ARHGEF11: variants seen among roughly 807,000 people sequenced by gnomAD.
The protein encoded by ARHGEF11 is Rho guanine nucleotide exchange factor 11, also known as Rho guanine exchange factor (GEF) 11.
Under a neutral mutation model 193.7 loss-of-function variants are expected in ARHGEF11, and 55 were observed. The observed-to-expected ratio is 0.28, with a 90% CI of 0.23 to 0.36. The LOEUF is 0.36. Ranked by LOEUF, ARHGEF11 falls within the 10% of genes least tolerant of loss-of-function variation. The pLI, the probability that ARHGEF11 is intolerant of heterozygous loss-of-function variation, is 1.00. For missense variants in ARHGEF11, 1,723 were observed against 2,005.6 expected, an observed-to-expected ratio of 0.86 and a Z score of 2.69; for synonymous variants, 693 against 768.0, an observed-to-expected ratio of 0.90 and a Z score of 1.62.
intron 1 of ARHGEF11, among the ~76,000 whole-genome samples, chr1:157,003,667 C>G (rs767157222): frequency 6.6e-6 from 1 of 152,244 alleles, no homozygotes. Flanking sequence ...GCCAGCCTCA[C>G]TAAGCCAGCC....
At position 157,023,317 on chromosome 1, in the gene ARHGEF11, A is replaced by G. The variant is rs189376524; in HGVS notation, c.32+20982T>C. Among the ~76,000 whole-genome samples the G allele has an allele frequency of 1.3e-4, 20 of 152,350 alleles. No homozygotes were observed. The East Asian group carries it at 3.9e-3, about 29-fold the overall frequency. ...TAAAGGGACGAATAACTTAAATAAA[A>G]AATGGGCAAAGGACGTGAACAGATA... On this transcript the variant is annotated intron_variant, in intron 1 of 40. Coordinates refer to ENST00000368194, the MANE Select transcript of ARHGEF11 (RefSeq NM_198236.3).
At position 156,935,162 on chromosome 1, in the gene ARHGEF11, C is replaced by T. The variant is rs1654841509; in HGVS notation, c.*838G>A. The stretch of plus-strand genomic sequence containing the variant: ...CCAGTCCTCAGCTCCGTACCTGCTT[C>T]ACTGGTTTTCTACAGGGACAGGGTG... On this transcript the variant is annotated 3_prime_UTR_variant, in exon 41 of 41. Coordinates refer to ENST00000368194, the MANE Select transcript of ARHGEF11 (RefSeq NM_198236.3). 6.6e-6 allele frequency: 1 copy of T among 152,526 alleles called. No homozygotes were observed. The highest frequency in any genetic ancestry group is 1.5e-5 in the Non-Finnish European group (1 of 68,040). 9.4% of individuals were successfully genotyped at this position (152,526 alleles called of 1,614,324 possible).
At chr1:157,037,150 A>T (rs1485682411) in intron 1 of ARHGEF11, among the ~76,000 whole-genome samples, 1 of 152,036 alleles carries the variant, frequency 6.6e-6, no homozygotes, top group Non-Finnish European at 1.5e-5. Context: ...ATAAATAAAT[A>T]AATTTGATTC....
intron 34 of ARHGEF11, 23 bp from the exon 35 acceptor site, chr1:156,941,456 G>A: frequency 6.2e-7 from 1 of 1,612,238 alleles, no homozygotes; most frequent in Non-Finnish European, 8.5e-7. Context: ...ACCAACACAG[G>A]ATGAGATCCC....
chr1:156,972,407 C>A (rs755676750), intron 7 of ARHGEF11, among the ~76,000 whole-genome samples: 4 of 152,220 alleles, frequency 2.6e-5, no homozygotes, highest in Admixed American at 6.5e-5. Flanking sequence ...TGAATACATC[C>A]TCATTGATAA....
At chr1:157,018,811 G>T (rs1387972706) in intron 1 of ARHGEF11, among the ~76,000 whole-genome samples, 1 of 152,182 alleles carries the variant, frequency 6.6e-6, no homozygotes, top group Non-Finnish European at 1.5e-5. Flanking sequence ...ACACAGTAGA[G>T]TCTGGACCAC....
In ARHGEF11 at chr1:157,002,244, C is replaced by T. The variant is rs1049734904; in HGVS notation, c.33-16071G>A. On this transcript the variant is annotated intron_variant, in intron 1 of 40. Transcript: ENST00000368194. ...GCATTTCAACTGGGAAACTGCTAGTCCACAAAACACAATCTCCAGGAAATG... is the reference window on the plus strand; with the variant it reads ...GCATTTCAACTGGGAAACTGCTAGTTCACAAAACACAATCTCCAGGAAATG... Among the ~76,000 whole-genome samples the T allele has an allele frequency of 2.6e-5, 4 of 152,218 alleles. No homozygotes were observed. The East Asian group carries it at 7.7e-4, about 29-fold the overall frequency.
intron 6 of ARHGEF11, 95 bp downstream of exon 6, chr1:156,978,109 C>G: frequency 1.3e-6 from 2 of 1,535,462 alleles, no homozygotes; most frequent in Non-Finnish European, 1.8e-6. Context: ...TCTCTGTTTA[C>G]CACAGCCCCA....
chr1:156,980,986 GTTTTCTTTCTTTTAAAAAAACTGT>G (rs2102421010), intron 3 of ARHGEF11, among the ~76,000 whole-genome samples: 1 of 152,096 alleles, frequency 6.6e-6, no homozygotes, highest in Non-Finnish European at 1.5e-5. Context: ...AAAGACAACT[GTTTTCTTTCTTTTAAAAAAACTGT>G]TTTAAGCCAT....
At chr1:157,004,332 T>G (rs907005736) in intron 1 of ARHGEF11, among the ~76,000 whole-genome samples, 2 of 152,186 alleles carry the variant, frequency 1.3e-5, no homozygotes, top group East Asian at 1.9e-4. Flanking sequence ...AAATGGGGGC[T>G]GGGCAAGTTG....
In ARHGEF11 at chr1:156,951,615, A is replaced by T; in HGVS notation, c.1883T>A (p.Leu628His). The T allele has an allele frequency of 1.2e-6, 2 of 1,614,146 alleles. No individual in the cohort carries two copies. Residue 628 changes from leucine (L) to histidine (H), a missense_variant, in exon 22 of 41, where the codon CTC (leucine) becomes CAC (histidine). Physicochemically the swap from Leu to His is moderately conservative, Grantham distance 99 (BLOSUM62 -3). Around this residue, in one of 5 missense-constraint regions of ARHGEF11, gnomAD observed 491 missense variants for 654.5 expected, o/e 0.75. Coordinates refer to ENST00000368194, the MANE Select transcript of ARHGEF11 (RefSeq NM_198236.3). ...YDAPEPGTQRLSTGSFPEDLL... is the reference protein window; with the variant it reads ...YDAPEPGTQRHSTGSFPEDLL... ...GTCCTCAGGAAAGCTTCCGGTCGAG[A>T]GTCGTTGTGTCCCAGGTTCTGGGGC...
chr1:157,019,922 C>T (rs1239162396), intron 1 of ARHGEF11, among the ~76,000 whole-genome samples: 14 of 151,856 alleles, frequency 9.2e-5, no homozygotes, highest in African/African-American at 2.7e-4. Context: ...GTCAGGAGAT[C>T]GAGACCATCC....
intron 16 of ARHGEF11, 25 bp downstream of exon 16, chr1:156,959,021 G>A (rs1181376216): frequency 1.2e-6 from 2 of 1,613,214 alleles, no homozygotes; most frequent in African/African-American, 1.3e-5. Flanking sequence ...GAGGAGAGAG[G>A]TGGGAGGTCA....
At chr1:156,963,176 C>T (rs1239213732) in intron 13 of ARHGEF11, 27 bp downstream of exon 13, 35 of 1,570,746 alleles carry the variant, frequency 2.2e-5, no homozygotes, top group Middle Eastern at 3.3e-4. Context: ...AGCAGGCACT[C>T]AATCAAGACA....
chr1:156,955,885 G>T (rs760908404), intron 19 of ARHGEF11, 86 bp from the exon 20 acceptor site: 5 of 1,033,368 alleles, frequency 4.8e-6, no homozygotes, highest in Non-Finnish European at 7.6e-6. Context: ...GTCCCCCAAG[G>T]CTGGCCCTCA....
chr1:156,971,961 A>G, intron 7 of ARHGEF11, 145 bp from the exon 8 acceptor site: 1 of 957,332 alleles, frequency 1.0e-6, no homozygotes, highest in Non-Finnish European at 1.5e-6. Context: ...AAGTAGATGC[A>G]CGGTATTTCA....
In ARHGEF11 at chr1:156,948,739, C is replaced by T. The variant is rs1439766282; in HGVS notation, c.1926-241G>A. 1.4e-6 allele frequency: 2 copies of T among 1,472,146 alleles called. No homozygotes were observed. Among genetic ancestry groups the T allele is most frequent in the South Asian group, 1.3e-5 (1 of 78,616 alleles). The allele number at this position is 1,472,146 out of a possible 1,614,324, so 91.2% of individuals were successfully genotyped here. ...CTGATGGATGGACAGTCATCTTCCTCTGGAGCTATTAGGAAGGGATCCTAA... is the reference window on the plus strand; with the variant it reads ...CTGATGGATGGACAGTCATCTTCCTTTGGAGCTATTAGGAAGGGATCCTAA... On this transcript the variant is annotated intron_variant, in intron 22 of 40. Transcript: ENST00000368194. This position sits in a 1 kb window ranked among gnomAD's most constrained non-coding sequence, Gnocchi z 4.2.
chr1:157,020,081 G>A lies in ARHGEF11; in HGVS notation c.32+24218C>T, dbSNP rs141958658. Among the ~76,000 whole-genome samples the A allele has an allele frequency of 4.6e-3, 695 of 149,664 alleles. 4 individuals carry two copies. The highest frequency in any genetic ancestry group is 5.7e-3 in the Non-Finnish European group (389 of 67,668). ...GGAGCTTGCAGTGAGCCAAGATCAC[G>A]CCACTGCACTCCAGCCTGGGCGACA... On this transcript the variant is annotated intron_variant, in intron 1 of 40. Coordinates refer to ENST00000368194, the MANE Select transcript of ARHGEF11 (RefSeq NM_198236.3).
At chr1:156,944,915 C>T in intron 30 of ARHGEF11, 104 bp downstream of exon 30, 1 of 1,435,374 alleles carries the variant, frequency 7.0e-7, no homozygotes, top group Non-Finnish European at 9.3e-7. Flanking sequence ...CCTATCTGGT[C>T]TCTGTCTCCT....
Sources: gnomAD v4.1 joint callset for allele counts (sites outside exome capture counted in the v4.1 genomes callset) on GRCh38, gnomAD v4.1.1 for gene constraint, gnomAD v4.1.1 regional missense constraint, Gnocchi (gnomAD v3.1) non-coding constraint, MANE v1.5 for transcripts, NCBI Gene and HGNC (gene_info 2026-07-23, HGNC 2026-07-21) for gene names.